The following DSE variants were observed in gnomAD, a reference collection of about 807,000 sequenced individuals.
The protein encoded by DSE is dermatan sulfate epimerase, also known as dermatan-sulfate epimerase.
DSE carries 36 observed loss-of-function variants against 84.4 expected under a neutral mutation model. The ratio of observed to expected loss-of-function variants is 0.43; its 90% CI spans 0.33 to 0.56. DSE has a LOEUF of 0.56. Ranked by LOEUF, DSE falls within the 20% of genes least tolerant of loss-of-function variation. The pLI, the probability that DSE is intolerant of heterozygous loss-of-function variation, is 0.06. For synonymous variants in DSE, 410 were observed against 430.1 expected (o/e 0.95, Z 0.58); for missense variants, 862 against 1,169.6 (o/e 0.74, Z 3.84).
chr6:116,431,298 C>A, intron 4 of DSE, 105 bp downstream of exon 4: 1 of 1,412,692 alleles, frequency 7.1e-7, no homozygotes, highest in South Asian at 1.5e-5. Flanking sequence ...TAGAGTTTGT[C>A]ATATTGAAAT....
intron 2 of DSE, among the ~76,000 whole-genome samples, chr6:116,332,904 C>A (rs1259830393): frequency 6.6e-6 from 1 of 152,058 alleles, no homozygotes; most frequent in Admixed American, 6.5e-5. Context: ...ACCCCAATTG[C>A]CAGCAAGTAT....
At position 116,389,967 on chromosome 6, in the gene DSE, C is replaced by T. The variant is rs1004209106; in HGVS notation, c.-53-9231C>T. 4.6e-5 allele frequency among the ~76,000 whole-genome samples: 7 copies of T among 151,326 alleles called. 1 individual carries two copies. In the South Asian group the frequency reaches 1.5e-3, roughly 32 times the overall value. On this transcript the variant is annotated intron_variant, in intron 1 of 5. Transcript: ENST00000644252. ...TACTACAGTTTTTTAAAAAAAAAAACCTCAGAGACATCATTTTCTTATATT... is the reference window on the plus strand; with the variant it reads ...TACTACAGTTTTTTAAAAAAAAAAATCTCAGAGACATCATTTTCTTATATT...
At chr6:116,334,888 A>C (rs1461808925) in intron 2 of DSE, among the ~76,000 whole-genome samples, 1 of 152,216 alleles carries the variant, frequency 6.6e-6, no homozygotes. Flanking sequence ...GTCAAAATAT[A>C]ACAGATGCTG....
intron 4 of DSE, among the ~76,000 whole-genome samples, chr6:116,431,918 T>C (rs1783865953): frequency 6.6e-6 from 1 of 152,076 alleles, no homozygotes; most frequent in African/African-American, 2.4e-5. Context: ...TTCCCCCCCT[T>C]CCCCAAGGAA....
chr6:116,365,749 G>A (rs952965494), upstream of DSE, among the ~76,000 whole-genome samples: 1 of 152,196 alleles, frequency 6.6e-6, no homozygotes, highest in African/African-American at 2.4e-5. Flanking sequence ...GGTGTGTTTT[G>A]GGTTCTCCCA....
chr6:116,375,201 C>T (rs1255855572), intron 1 of DSE, among the ~76,000 whole-genome samples: 1 of 151,848 alleles, frequency 6.6e-6, no homozygotes, highest in Non-Finnish European at 1.5e-5. Flanking sequence ...AAATCCCAAA[C>T]TCTTGAGGTG....
At chr6:116,327,499 G>A (rs1408934917) in intron 2 of DSE, among the ~76,000 whole-genome samples, 1 of 152,184 alleles carries the variant, frequency 6.6e-6, no homozygotes, top group African/African-American at 2.4e-5. Flanking sequence ...TTCAGAAAAG[G>A]TGGAATTGGA....
At chr6:116,397,015 A>C (rs1404154570) in intron 1 of DSE, among the ~76,000 whole-genome samples, 1 of 151,940 alleles carries the variant, frequency 6.6e-6, no homozygotes, top group African/African-American at 2.4e-5. Flanking sequence ...ACACATTCAA[A>C]AGCTGGTAGT....
chr6:116,392,674 G>A (rs1780984155), intron 1 of DSE, among the ~76,000 whole-genome samples: 1 of 152,210 alleles, frequency 6.6e-6, no homozygotes, highest in African/African-American at 2.4e-5. Context: ...TTCAAATGAA[G>A]TTATGGTAGC....
chr6:116,429,635 A>G (rs1030684066), intron 3 of DSE, among the ~76,000 whole-genome samples: 3 of 152,202 alleles, frequency 2.0e-5, no homozygotes, highest in Non-Finnish European at 4.4e-5. Flanking sequence ...AGTGCTGTGT[A>G]AGTTATAAAT....
At chr6:116,371,568 G>GGCAGGGGAGGT (rs1413407971) in intron 1 of DSE, among the ~76,000 whole-genome samples, 1 of 152,208 alleles carries the variant, frequency 6.6e-6, no homozygotes, top group Non-Finnish European at 1.5e-5. Context: ...GCCATTTGGG[G>GGCAGGGGAGGT]GCAGGGGAGG....
Position 116,322,086 on chromosome 6 carries a change from G to A in DSE, c.-54+63119G>A, listed in dbSNP as rs1262743545. On this transcript the variant is annotated intron_variant, in intron 2 of 3. Coordinates refer to the DSE transcript ENST00000430252. Reference sequence around the variant, plus strand: ...TTTAAAGGCTCACAACTCTAAGGGGGTGCGTGTGAGAGGGACGTGATTGAT... The same window carrying A: ...TTTAAAGGCTCACAACTCTAAGGGGATGCGTGTGAGAGGGACGTGATTGAT... Among the ~76,000 whole-genome samples, 3 of 147,224 alleles carry A rather than the reference G, an allele frequency of 2.0e-5. No individual in the cohort carries two copies. The Admixed American group carries it at 2.1e-4, about 10-fold the overall frequency.
intron 2 of DSE, chr6:116,400,212 A>G (rs894607952): frequency 6.6e-6 from 1 of 152,264 alleles, no homozygotes; most frequent in East Asian, 1.9e-4. Context: ...TTCTAACTAC[A>G]TAATAATTTA....
intron 1 of DSE, among the ~76,000 whole-genome samples, chr6:116,385,615 C>G (rs970965350): frequency 6.6e-6 from 1 of 152,062 alleles, no homozygotes; most frequent in Non-Finnish European, 1.5e-5. Flanking sequence ...GTGCCTACGT[C>G]TTTGGGTTAA....
intron 1 of DSE, among the ~76,000 whole-genome samples, chr6:116,384,127 G>C (rs1031106098): frequency 3.3e-5 from 5 of 152,140 alleles, no homozygotes; most frequent in Admixed American, 2.6e-4. Context: ...ATTAGACATG[G>C]GGACATGAGG....
chr6:116,344,314 C>T (rs1239815008), intron 2 of DSE, among the ~76,000 whole-genome samples: 1 of 152,172 alleles, frequency 6.6e-6, no homozygotes, highest in African/African-American at 2.4e-5. Flanking sequence ...TGAAGAGCAA[C>T]TCCAAGACAC....
intron 2 of DSE, among the ~76,000 whole-genome samples, chr6:116,299,276 A>G (rs1455096446): frequency 2.0e-5 from 3 of 151,976 alleles, no homozygotes; most frequent in African/African-American, 7.2e-5. Context: ...TCTCTAGTTA[A>G]TGTAGTTTTG....
At position 116,437,069 on chromosome 6, in the gene DSE, C is replaced by A; in HGVS notation, c.2601C>A (p.Tyr867Ter). ...TTTTAGATTTTGCAGATGTAACATA[C>A]GAGAAACATAAAAATGGGGGCTTGA... Reference protein sequence around the residue: ...KDLLDFADVTYEKHKNGGLIK... With the variant: ...KDLLDFADVT Residue 867 changes from tyrosine to a stop codon, truncating the protein, a stop_gained, in exon 6 of 6, where the codon TAC becomes TAA. Coordinates refer to ENST00000644252, the MANE Select transcript of DSE (RefSeq NM_013352.4). LOFTEE classifies it high-confidence loss of function. 1.2e-6 allele frequency: 2 copies of A among 1,613,928 alleles called. No homozygotes were observed. The highest frequency in any genetic ancestry group is 2.2e-5 in the East Asian group (1 of 44,872).
intron 1 of DSE, among the ~76,000 whole-genome samples, chr6:116,382,907 T>A (rs1780331111): frequency 6.6e-6 from 1 of 152,148 alleles, no homozygotes; most frequent in Non-Finnish European, 1.5e-5. Flanking sequence ...CAGTGAAGGT[T>A]TAAAAGAGTA....
Sources: allele counts gnomAD v4.1 joint callset (sites outside exome capture counted in the v4.1 genomes callset), GRCh38; gene constraint gnomAD v4.1.1; transcripts MANE v1.5; gene names NCBI Gene and HGNC (gene_info 2026-07-23, HGNC 2026-07-21).